Variants in CHRM5 observed in about 807,000 individuals in gnomAD.
CHRM5 encodes cholinergic receptor muscarinic 5, also known as muscarinic acetylcholine receptor M5.
A neutral mutation model predicts 39.0 loss-of-function variants in CHRM5; 18 were observed. The ratio of observed to expected loss-of-function variants is 0.46; its 90% confidence interval spans 0.32 to 0.68. CHRM5 has a LOEUF of 0.68. Among genes scored for constraint, CHRM5 ranks in the 30% least tolerant of loss-of-function variants. CHRM5 has a pLI of 0.04. For synonymous variants in CHRM5, 241 were observed against 246.3 expected (o/e 0.98, Z 0.20); for missense variants, 515 against 651.1 (o/e 0.79, Z 2.28).
intron 1 of CHRM5, among the ~76,000 whole-genome samples, chr15:34,043,153 A>G (rs1476871573): frequency 6.6e-6 from 1 of 151,682 alleles, no homozygotes; most frequent in Non-Finnish European, 1.5e-5. Flanking sequence ...AGGCTGAGGC[A>G]GGAGAATGGC....
At chr15:33,973,091 G>A (rs1014461283) in intron 1 of CHRM5, among the ~76,000 whole-genome samples, 1 of 152,154 alleles carries the variant, frequency 6.6e-6, no homozygotes, top group Non-Finnish European at 1.5e-5. Context: ...GAAATTATTA[G>A]TGAAATAACT....
chr15:33,989,743 A>C (rs947243095), intron 1 of CHRM5, among the ~76,000 whole-genome samples: 7 of 152,028 alleles, frequency 4.6e-5, no homozygotes, highest in African/African-American at 1.7e-4. Flanking sequence ...GAATTTATCA[A>C]CTTCCAATTA....
chr15:34,049,530 G>C (rs1479683020), intron 2 of CHRM5, among the ~76,000 whole-genome samples: 1 of 152,092 alleles, frequency 6.6e-6, no homozygotes, highest in Non-Finnish European at 1.5e-5. Context: ...AGGATCATGG[G>C]ATTATGTAAA....
rs1437199942 is a variant in CHRM5, at chr15:34,003,116, A to G, written c.-408+33966A>G. The G allele has an allele frequency of 1.9e-6, 3 of 1,613,834 alleles. No individual in the cohort carries two copies. The Admixed American group carries it at 5.0e-5, about 27-fold the overall frequency. ...TTGACCTCTTTTTCAATATCTTGAT[A>G]TCGATCCCAGTTAGAGACAATCTTT... On this transcript the variant is annotated intron_variant, in intron 1 of 2. Transcript: ENST00000383263.
At chr15:34,020,468 T>C (rs1898155738) in intron 1 of CHRM5, among the ~76,000 whole-genome samples, 1 of 152,230 alleles carries the variant, frequency 6.6e-6, no homozygotes, top group Non-Finnish European at 1.5e-5. Flanking sequence ...TCTTAAAGCA[T>C]GTAGATCATC....
At chr15:34,055,263 C>T (rs1171272119) in intron 2 of CHRM5, among the ~76,000 whole-genome samples, 10 of 151,646 alleles carry the variant, frequency 6.6e-5, no homozygotes, top group Non-Finnish European at 1.5e-4. Flanking sequence ...TTTGGGAGGC[C>T]GAGGTGGGTG....
Position 34,060,120 on chromosome 15 carries a change from G to T in CHRM5, c.-75-2523G>T, listed in dbSNP as rs561216354. ...GAGATTTGTAGAGTGTAGAGTAACT[G>T]GTCTTTTCAGATGCTGGGGAATCTC... On this transcript the variant is annotated intron_variant, in intron 2 of 2. Coordinates refer to ENST00000383263, the MANE Select transcript of CHRM5 (RefSeq NM_012125.4). 1.5e-4 allele frequency among the ~76,000 whole-genome samples: 23 copies of T among 152,244 alleles called. No individual in the cohort carries two copies. In the South Asian group the frequency reaches 4.8e-3, roughly 32 times the overall value.
chr15:34,025,351 G>GAAC (rs1159480233), intron 1 of CHRM5, among the ~76,000 whole-genome samples: 6 of 152,280 alleles, frequency 3.9e-5, no homozygotes, highest in South Asian at 2.1e-4. Flanking sequence ...AAATCGACAA[G>GAAC]AAGTTTAGAG....
chr15:33,969,927 T>C lies in CHRM5; in HGVS notation c.-408+777T>C, dbSNP rs139345555. On this transcript the variant is annotated intron_variant, in intron 1 of 2. Transcript: ENST00000383263. Reference sequence around the variant, plus strand: ...AAATTCCCTAGAAATCACTGCATAATGAGACTTCTAGAGTGACAATCTTAT... The same window carrying C: ...AAATTCCCTAGAAATCACTGCATAACGAGACTTCTAGAGTGACAATCTTAT... Among the ~76,000 whole-genome samples, 559 of 152,156 alleles carry C rather than the reference T, an allele frequency of 3.7e-3. 3 individuals are homozygous for C. Among genetic ancestry groups the C allele is most frequent in the African/African-American group, 0.013 (539 of 41,564 alleles).
rs1344251835 is a variant in CHRM5, at chr15:34,065,238, T to G, written c.*922T>G. ...GTAAGAGCCCTTCACTGGCTGAAGATTTTCTCCAGGCTGTTGAATTAAGGT... is the reference window on the plus strand; with the variant it reads ...GTAAGAGCCCTTCACTGGCTGAAGAGTTTCTCCAGGCTGTTGAATTAAGGT... On this transcript the variant is annotated 3_prime_UTR_variant, in exon 3 of 3. Coordinates refer to ENST00000383263, the MANE Select transcript of CHRM5 (RefSeq NM_012125.4). 2.0e-5 allele frequency: 3 copies of G among 152,398 alleles called. No homozygotes were observed. Among genetic ancestry groups the G allele is most frequent in the East Asian group, 3.8e-4 (2 of 5,200 alleles). The allele number at this position is 152,398 out of a possible 1,614,324, so 9.4% of individuals were successfully genotyped here.
intron 1 of CHRM5, among the ~76,000 whole-genome samples, chr15:34,042,425 A>G (rs374803990): frequency 1.7e-5 from 2 of 120,720 alleles, no homozygotes; most frequent in African/African-American, 6.7e-5. Flanking sequence ...TTTGAGACGG[A>G]GTTTCGCACT....
chr15:34,023,976 C>A (rs1898325919), intron 1 of CHRM5, among the ~76,000 whole-genome samples: 1 of 152,148 alleles, frequency 6.6e-6, no homozygotes, highest in African/African-American at 2.4e-5. Flanking sequence ...GTAAGCTAAA[C>A]CTCTTCTCCC....
intron 1 of CHRM5, among the ~76,000 whole-genome samples, chr15:34,015,437 G>A (rs1430003367): frequency 4.6e-5 from 7 of 151,784 alleles, no homozygotes; most frequent in African/African-American, 1.2e-4. Flanking sequence ...AGCCGAGATC[G>A]CACCACTGCA....
chr15:34,031,168 A>ATT (rs34414446), intron 1 of CHRM5, among the ~76,000 whole-genome samples: 19,222 of 67,388 alleles, frequency 0.29, 3,592 homozygotes, highest in Middle Eastern at 0.36. Context: ...GCTTAGGTTA[A>ATT]TTTTTTTTTT....
intron 2 of CHRM5, among the ~76,000 whole-genome samples, chr15:34,062,013 T>C (rs1024248201): frequency 6.6e-6 from 1 of 152,206 alleles, no homozygotes; most frequent in Admixed American, 6.5e-5. Flanking sequence ...TGATTTAACA[T>C]CCCTGCTTTC....
intron 1 of CHRM5, among the ~76,000 whole-genome samples, chr15:34,017,900 T>C (rs1012577822): frequency 1.3e-5 from 2 of 152,202 alleles, no homozygotes; most frequent in Non-Finnish European, 2.9e-5. Flanking sequence ...AAGGTTATAA[T>C]GGAGCTGAAA....
intron 1 of CHRM5, among the ~76,000 whole-genome samples, chr15:34,025,516 G>A (rs1174986319): frequency 6.6e-6 from 1 of 152,146 alleles, no homozygotes; most frequent in Non-Finnish European, 1.5e-5. Flanking sequence ...CATTGCTCAA[G>A]ACTCGAAGCC....
chr15:34,004,774 GTAT>G (rs1897271453), intron 1 of CHRM5, among the ~76,000 whole-genome samples: 1 of 151,980 alleles, frequency 6.6e-6, no homozygotes, highest in Non-Finnish European at 1.5e-5. Flanking sequence ...GAAAATCACT[GTAT>G]TATTATTCTA....
rs759420090 is a variant in CHRM5, at chr15:34,065,298, C to T, written c.*982C>T. 2 of 152,176 alleles carry T rather than the reference C, an allele frequency of 1.3e-5. No individual in the cohort carries two copies. The highest frequency in any genetic ancestry group is 2.9e-5 in the Non-Finnish European group (2 of 68,026). 9.4% of individuals were successfully genotyped at this position (152,176 alleles called of 1,614,324 possible). On this transcript the variant is annotated 3_prime_UTR_variant, in exon 3 of 3. Transcript: ENST00000383263. ...GTTTTCAGAGATCTTGCTTTCTAAT[C>T]TCTTCACAGGGCAAACCTGAGCAAA...
Sources: gnomAD v4.1 joint callset for allele counts (sites outside exome capture counted in the v4.1 genomes callset) on GRCh38, gnomAD v4.1.1 for gene constraint, MANE v1.5 for transcripts, NCBI Gene and HGNC (gene_info 2026-07-23, HGNC 2026-07-21) for gene names.